PBX1: variants seen among roughly 807,000 people sequenced by gnomAD.
PBX1 encodes the protein PBX homeobox 1.
Under a neutral mutation model 53.4 loss-of-function variants are expected in PBX1, and 6 were observed. The ratio of observed to expected loss-of-function variants is 0.11; its 90% CI spans 0.06 to 0.22. The LOEUF (loss-of-function observed/expected upper bound fraction) is 0.22. Ranked by LOEUF, PBX1 falls within the 10% of genes least tolerant of loss-of-function variation. The pLI is 1.00. For synonymous variants in PBX1, 204 were observed against 212.3 expected, an observed-to-expected ratio of 0.96 and a Z score of 0.34; for missense variants, 251 against 551.4, an observed-to-expected ratio of 0.46 and a Z score of 5.46.
At chr1:164,756,427 A>C (rs1666527011) in intron 2 of PBX1, among the ~76,000 whole-genome samples, 1 of 152,218 alleles carries the variant, frequency 6.6e-6, no homozygotes, top group African/African-American at 2.4e-5. Context: ...TTCAGAGATA[A>C]TTTACACGTT....
intron 2 of PBX1, among the ~76,000 whole-genome samples, chr1:164,722,701 T>G (rs1208983081): frequency 6.6e-6 from 1 of 152,196 alleles, no homozygotes; most frequent in Admixed American, 6.5e-5. Context: ...TTCTTCTTTG[T>G]CACTTACTTT....
chr1:164,617,303 T>C (rs1177461468), intron 2 of PBX1, among the ~76,000 whole-genome samples: 3 of 152,316 alleles, frequency 2.0e-5, no homozygotes, highest in South Asian at 2.1e-4. Flanking sequence ...GCCTCACAAA[T>C]GCATGTTGTT....
chr1:164,870,309 CT>C (rs1672341249), intron 2 of PBX1, among the ~76,000 whole-genome samples: 1 of 75,764 alleles, frequency 1.3e-5, no homozygotes, highest in Admixed American at 1.5e-4. Flanking sequence ...TTCTTTCTTT[CT>C]TTCTTTCTTT....
Position 164,847,721 on chromosome 1 carries a change from CT to C in PBX1, c.*1049del. The C allele has an allele frequency of 2.8e-6, 3 of 1,054,256 alleles. No individual in the cohort carries two copies. Among genetic ancestry groups the C allele is most frequent in the Non-Finnish European group, 1.1e-6 (1 of 872,410 alleles). The allele number at this position is 1,054,256 out of a possible 1,614,324, so 65.3% of individuals were successfully genotyped here. A position where few individuals can be genotyped will look rare whatever the true frequency, so the allele number is the denominator to read the frequency against. On this transcript the variant is annotated 3_prime_UTR_variant, in exon 9 of 9. Coordinates refer to ENST00000420696, the MANE Select transcript of PBX1 (RefSeq NM_002585.4). Reference sequence around the variant, plus strand: ...TACATTAATAACTGTAGCACTATGCCTTTTGAGCCCGAGAGAGGGAATTAGT... The same window carrying C: ...TACATTAATAACTGTAGCACTATGCCTTTGAGCCCGAGAGAGGGAATTAGT...
In PBX1 at chr1:164,792,623, C is replaced by A; in HGVS notation, c.395C>A (p.Ala132Glu). 1 of 1,613,522 alleles carries A rather than the reference C, an allele frequency of 6.2e-7. No homozygotes were observed. The highest frequency in any genetic ancestry group is 8.5e-7 in the Non-Finnish European group (1 of 1,179,694). ...KGGGSAAAAA[A>E]AAASGGAGSD... is the part of the protein sequence containing the mutation. ...GGAGGGTCGGCGGCAGCGGCGGCAG[C>A]GGCGGCGGCTTCTGGAGGGGCAGGT... is the stretch of plus-strand genomic sequence containing the variant. The change falls in exon 3 of 9, where the codon GCG (alanine) becomes GAG (glutamate). Residue 132 changes from alanine to glutamate, a missense_variant. Coordinates refer to ENST00000420696, the MANE Select transcript of PBX1 (RefSeq NM_002585.4).
At chr1:164,618,750 A>G (rs1657470102) in intron 2 of PBX1, among the ~76,000 whole-genome samples, 1 of 152,202 alleles carries the variant, frequency 6.6e-6, no homozygotes, top group Non-Finnish European at 1.5e-5. Context: ...TTTATGAAGT[A>G]CTGAGGCTCT....
At chr1:164,619,431 TG>T (rs1327053511) in intron 2 of PBX1, among the ~76,000 whole-genome samples, 1 of 152,078 alleles carries the variant, frequency 6.6e-6, no homozygotes, top group Non-Finnish European at 1.5e-5. Flanking sequence ...ACTTACTTAC[TG>T]GGTTATTCAG....
chr1:164,663,795 T>C (rs1660651669), intron 2 of PBX1, among the ~76,000 whole-genome samples: 1 of 152,222 alleles, frequency 6.6e-6, no homozygotes, highest in Non-Finnish European at 1.5e-5. Context: ...GCCAGGTACG[T>C]TAGGGGTGAA....
In PBX1 at chr1:164,821,521, T is replaced by C. The variant is rs771069696; in HGVS notation, c.1111-16T>C. 11 of 1,602,572 alleles carry C rather than the reference T, an allele frequency of 6.9e-6. No individual in the cohort carries two copies. The highest frequency in any genetic ancestry group is 9.4e-6 in the Non-Finnish European group (11 of 1,169,426). The stretch of plus-strand genomic sequence containing the variant: ...TCTCTGACTAATTTTCTCTCTGTTA[T>C]TGTTCATCTGTTTAGGTGGATACCC... On this transcript the variant is annotated splice_polypyrimidine_tract_variant and intron_variant, in intron 7 of 8. Coordinates refer to ENST00000420696, the MANE Select transcript of PBX1 (RefSeq NM_002585.4).
intron 2 of PBX1, among the ~76,000 whole-genome samples, chr1:164,574,374 C>T (rs1159352253): frequency 2.0e-5 from 3 of 152,162 alleles, no homozygotes; most frequent in Non-Finnish European, 2.9e-5. Flanking sequence ...CGCCATTTAA[C>T]CTCTTAGTCT....
At chr1:164,711,333 G>C (rs1474243432) in intron 2 of PBX1, among the ~76,000 whole-genome samples, 1 of 152,092 alleles carries the variant, frequency 6.6e-6, no homozygotes, top group Non-Finnish European at 1.5e-5. Flanking sequence ...GCGCGATCTC[G>C]GCTCACTGCA....
intron 2 of PBX1, among the ~76,000 whole-genome samples, chr1:164,857,371 A>G (rs1672001919): frequency 6.6e-6 from 1 of 151,632 alleles, no homozygotes; most frequent in East Asian, 1.9e-4. Context: ...CTCTAACCCC[A>G]TGGAGTTGGG....
At chr1:164,866,121 TTGTTTTAAATCTA>T (rs1672210691) in intron 2 of PBX1, among the ~76,000 whole-genome samples, 1 of 152,358 alleles carries the variant, frequency 6.6e-6, no homozygotes, top group South Asian at 2.1e-4. Flanking sequence ...ACTTGTACTA[TTGTTTTAAATCTA>T]TGTTTTAAAA....
chr1:164,644,791 A>G (rs539164510), intron 2 of PBX1, among the ~76,000 whole-genome samples: 1 of 152,310 alleles, frequency 6.6e-6, no homozygotes, highest in Admixed American at 6.5e-5. Context: ...CAAAGGCTTC[A>G]ACGTCCAGGA....
At chr1:164,695,706 A>G (rs930654562) in intron 2 of PBX1, among the ~76,000 whole-genome samples, 5 of 152,222 alleles carry the variant, frequency 3.3e-5, no homozygotes, top group African/African-American at 1.2e-4. Flanking sequence ...ACATGGCTGA[A>G]CATATGGTAG....
chr1:164,759,289 C>T (rs562880199), intron 2 of PBX1, among the ~76,000 whole-genome samples: 13 of 152,178 alleles, frequency 8.5e-5, no homozygotes, highest in South Asian at 4.2e-4. Flanking sequence ...GCTCAACCCC[C>T]ATTCCAGTAA....
chr1:164,593,316 T>C (rs2101777750), intron 2 of PBX1, among the ~76,000 whole-genome samples: 1 of 152,306 alleles, frequency 6.6e-6, no homozygotes, highest in Admixed American at 6.5e-5. Flanking sequence ...CATCATTTTG[T>C]TGGATTTTGA....
At chr1:164,783,035 CA>C (rs1668007792) in intron 2 of PBX1, among the ~76,000 whole-genome samples, 1 of 152,172 alleles carries the variant, frequency 6.6e-6, no homozygotes, top group Admixed American at 6.5e-5. Context: ...TCGTCTGACA[CA>C]AGGTGAGATT....
intron 8 of PBX1, among the ~76,000 whole-genome samples, chr1:164,832,239 T>G (rs370207076): frequency 7.4e-4 from 112 of 152,330 alleles, no homozygotes; most frequent in African/African-American, 2.6e-3. Flanking sequence ...GATAAGCATT[T>G]TGGAGACCGA....
Sources: allele counts gnomAD v4.1 joint callset (sites outside exome capture counted in the v4.1 genomes callset), GRCh38; gene constraint gnomAD v4.1.1; transcripts MANE v1.5; gene names NCBI Gene and HGNC (gene_info 2026-07-23, HGNC 2026-07-21).